FAM184B: variants seen among roughly 807,000 people sequenced by gnomAD.
The protein encoded by FAM184B is family with sequence similarity 184 member B.
FAM184B carries 111 observed loss-of-function variants against 135.9 expected under a neutral mutation model. The observed-to-expected ratio is 0.82, with a 90% CI of 0.70 to 0.96. FAM184B has a LOEUF of 0.96. Ranked by LOEUF, FAM184B falls within the 40% of genes least tolerant of loss-of-function variation. The pLI, the probability that FAM184B is intolerant of heterozygous loss-of-function variation, is 0.00. For synonymous variants in FAM184B, 552 were observed against 524.8 expected (o/e 1.05, Z -0.71); for missense variants, 1,375 against 1,323.9 (o/e 1.04, Z -0.60).
chr4:17,750,617 C>T (rs1197339258), intron 1 of FAM184B, among the ~76,000 whole-genome samples: 1 of 152,138 alleles, frequency 6.6e-6, no homozygotes, highest in Non-Finnish European at 1.5e-5. Context: ...TTGTGACAAT[C>T]AAAAATGTCT....
At chr4:17,696,830 G>A (rs920309665) in intron 5 of FAM184B, among the ~76,000 whole-genome samples, 2 of 151,678 alleles carry the variant, frequency 1.3e-5, no homozygotes, top group Admixed American at 6.6e-5. Context: ...ATGAATGAAT[G>A]AATAAATAAA....
At chr4:17,711,955 G>C (rs1309772674) in intron 1 of FAM184B, among the ~76,000 whole-genome samples, 2 of 152,182 alleles carry the variant, frequency 1.3e-5, no homozygotes, top group East Asian at 3.9e-4. Context: ...AAAAGTGTGA[G>C]GTGTGAGAAG....
chr4:17,743,007 G>C (rs1407954025), intron 1 of FAM184B, among the ~76,000 whole-genome samples: 2 of 152,210 alleles, frequency 1.3e-5, no homozygotes, highest in Admixed American at 6.5e-5. Context: ...CTGCCAGAGA[G>C]GAGTGGCCGG....
At chr4:17,646,055 T>G (rs556517802) in intron 12 of FAM184B, among the ~76,000 whole-genome samples, 1 of 151,386 alleles carries the variant, frequency 6.6e-6, no homozygotes, top group Non-Finnish European at 1.5e-5. Flanking sequence ...GTTAGAATGG[T>G]GATCATTAAA....
In FAM184B at chr4:17,665,879, T is replaced by C. The variant is rs1016166834; in HGVS notation, c.1597-1220A>G. Among the ~76,000 whole-genome samples, 16 of 149,498 alleles carry C rather than the reference T, an allele frequency of 1.1e-4. No homozygotes were observed. In the South Asian group the frequency reaches 2.6e-3, roughly 25 times the overall value. ...CCTTCCTTTGTGCAGCCTTCATTCC[T>C]GGGCTTTCTCCTCCCCCCGCCCCCC... On this transcript the variant is annotated intron_variant, in intron 7 of 17. Coordinates refer to ENST00000265018, the MANE Select transcript of FAM184B (RefSeq NM_015688.2).
Position 17,642,046 on chromosome 4 carries a change from G to C in FAM184B, c.2519+10C>G. 2.0e-6 allele frequency: 3 copies of C among 1,522,780 alleles called. No homozygotes were observed. Among genetic ancestry groups the C allele is most frequent in the South Asian group, 1.2e-5 (1 of 83,272 alleles). The allele number at this position is 1,522,780 out of a possible 1,614,324, so 94.3% of individuals were successfully genotyped here. A position where few individuals can be genotyped will look rare whatever the true frequency, so the allele number is the denominator to read the frequency against. ...GGTGGCGCGGTGGCGGGGCGCGCCG[G>C]GTCACCCACCTGCGCTGGTCTCGGA... On this transcript the variant is annotated intron_variant, in intron 13 of 17. Coordinates refer to ENST00000265018, the MANE Select transcript of FAM184B (RefSeq NM_015688.2).
chr4:17,696,118 A>T (rs539865441), intron 5 of FAM184B, among the ~76,000 whole-genome samples: 19 of 152,320 alleles, frequency 1.2e-4, no homozygotes, highest in African/African-American at 4.6e-4. Context: ...CTGGCACTTT[A>T]CACAGATCAT....
Position 17,669,513 on chromosome 4 carries a change from G to T in FAM184B, c.1597-4854C>A, listed in dbSNP as rs545353869. On this transcript the variant is annotated intron_variant, in intron 7 of 17. Coordinates refer to ENST00000265018, the MANE Select transcript of FAM184B (RefSeq NM_015688.2). The stretch of plus-strand genomic sequence containing the variant: ...CCAGGTCTCAAAAGGAAAATTCAAG[G>T]TTACAAAGAAATTTTGTTCAATAGA... Among the ~76,000 whole-genome samples the T allele has an allele frequency of 8.5e-5, 13 of 152,256 alleles. No individual in the cohort carries two copies. In the East Asian group the frequency reaches 1.9e-3, roughly 23 times the overall value.
chr4:17,760,296 T>G (rs1379281964), intron 1 of FAM184B, among the ~76,000 whole-genome samples: 1 of 151,884 alleles, frequency 6.6e-6, no homozygotes, highest in African/African-American at 2.4e-5. Flanking sequence ...AAAACCCATC[T>G]CTACTAAAAA....
At chr4:17,753,093 C>A (rs1158215072) in intron 1 of FAM184B, among the ~76,000 whole-genome samples, 1 of 152,186 alleles carries the variant, frequency 6.6e-6, no homozygotes, top group Admixed American at 6.5e-5. Context: ...ATCTATTTGA[C>A]CCCTGCCCTG....
intron 1 of FAM184B, among the ~76,000 whole-genome samples, chr4:17,736,551 C>G (rs1215797948): frequency 6.6e-6 from 1 of 152,208 alleles, no homozygotes; most frequent in Non-Finnish European, 1.5e-5. Flanking sequence ...AGGCTCTACT[C>G]TGTGACCATT....
chr4:17,730,220 G>C (rs1296130483), intron 1 of FAM184B, among the ~76,000 whole-genome samples: 4 of 152,154 alleles, frequency 2.6e-5, no homozygotes, highest in African/African-American at 9.7e-5. Context: ...AGAGAAAAAA[G>C]AATAAAAAGA....
chr4:17,663,577 C>CAAGCTG (rs1009687967), intron 8 of FAM184B, among the ~76,000 whole-genome samples: 15 of 151,420 alleles, frequency 9.9e-5, no homozygotes, highest in African/African-American at 3.6e-4. Context: ...CAGCAACATT[C>CAAGCTG]AAGCTGAGAG....
intron 10 of FAM184B, 66 bp from the exon 11 acceptor site, chr4:17,653,049 T>C: frequency 1.4e-6 from 2 of 1,460,506 alleles, no homozygotes; most frequent in African/African-American, 1.4e-5. Flanking sequence ...CTGACTCCTT[T>C]GCCAAGCTCT....
intron 14 of FAM184B, among the ~76,000 whole-genome samples, chr4:17,638,413 G>T (rs1235914640): frequency 6.6e-6 from 1 of 151,182 alleles, no homozygotes; most frequent in Admixed American, 6.6e-5. Context: ...GGCTGGTCTC[G>T]AACTCCTGGG....
At chr4:17,742,324 G>T (rs1482260449) in intron 1 of FAM184B, among the ~76,000 whole-genome samples, 1 of 151,778 alleles carries the variant, frequency 6.6e-6, no homozygotes, top group Admixed American at 6.6e-5. Context: ...TAAAAAATCA[G>T]CCAGGAGGCT....
At chr4:17,727,333 G>A (rs535527674) in intron 1 of FAM184B, among the ~76,000 whole-genome samples, 1 of 152,304 alleles carries the variant, frequency 6.6e-6, no homozygotes, top group East Asian at 1.9e-4. Context: ...CAAGAGACCT[G>A]AGTCCCAAGA....
Position 17,721,394 on chromosome 4 carries a change from A to AAAAAAAAAAAAAT in FAM184B, c.142-11763_142-11751dup, listed in dbSNP as rs1280333036. Among the ~76,000 whole-genome samples, 5 of 149,390 alleles carry AAAAAAAAAAAAAT rather than the reference A, an allele frequency of 3.3e-5. 1 individual carries two copies. ...GAAAGATTCTGTCTCAAAAAAAAAA[A>AAAAAAAAAAAAAT]AAAAAAAAAAAATCTCTTTGCCCTA... On this transcript the variant is annotated intron_variant, in intron 1 of 17. Transcript: ENST00000265018.
At chr4:17,775,631 C>A (rs1017349455) in intron 1 of FAM184B, among the ~76,000 whole-genome samples, 1 of 152,172 alleles carries the variant, frequency 6.6e-6, no homozygotes, top group African/African-American at 2.4e-5. Flanking sequence ...TTTTTCTGGT[C>A]GGTATAGAAT....
Sources: gnomAD v4.1 joint callset for allele counts (sites outside exome capture counted in the v4.1 genomes callset) on GRCh38, gnomAD v4.1.1 for gene constraint, MANE v1.5 for transcripts, NCBI Gene and HGNC (gene_info 2026-07-23, HGNC 2026-07-21) for gene names.